The following SIPA1L2 variants were observed in gnomAD, a reference collection of about 807,000 sequenced individuals.
SIPA1L2 encodes the protein signal-induced proliferation-associated 1-like protein 2.
In SIPA1L2, 56 loss-of-function variants were observed where a neutral mutation model predicts 163.9. That is an observed-to-expected ratio of 0.34 (90% CI 0.28 to 0.43). The LOEUF is 0.43. Among genes scored for constraint, SIPA1L2 ranks in the 20% least tolerant of loss-of-function variants. The probability of loss-of-function intolerance (pLI) is 1.00; values close to 1 mark genes in which losing one functional copy is unlikely to be tolerated. For synonymous variants in SIPA1L2, 877 were observed against 865.7 expected (o/e 1.01, Z -0.23); for missense variants, 1,974 against 2,193.5 (o/e 0.90, Z 2.00).
At chr1:232,597,615 A>G (rs1355781114) in intron 1 of SIPA1L2, among the ~76,000 whole-genome samples, 4 of 145,942 alleles carry the variant, frequency 2.7e-5, no homozygotes, top group East Asian at 4.1e-4. Context: ...GCATGAACCC[A>G]GGAGGCAGAG....
intron 1 of SIPA1L2, among the ~76,000 whole-genome samples, chr1:232,580,154 C>T (rs148864962): frequency 1.3e-5 from 2 of 152,306 alleles, no homozygotes; most frequent in African/African-American, 4.8e-5. Context: ...CAAGAAGTCA[C>T]AGTTCCTCCC....
At chr1:232,609,024 C>A (rs1361033990) in intron 1 of SIPA1L2, among the ~76,000 whole-genome samples, 3 of 151,352 alleles carry the variant, frequency 2.0e-5, no homozygotes, top group African/African-American at 7.3e-5. Context: ...AACCTCTTTT[C>A]TAATAGTTTG....
At chr1:232,456,238 T>C (rs1338767159) in intron 10 of SIPA1L2, among the ~76,000 whole-genome samples, 1 of 152,222 alleles carries the variant, frequency 6.6e-6, no homozygotes, top group South Asian at 2.1e-4. Flanking sequence ...TGTGTGTAGA[T>C]ATACATCTAA....
At chr1:232,505,778 A>G (rs1432400252) in intron 3 of SIPA1L2, among the ~76,000 whole-genome samples, 1 of 151,980 alleles carries the variant, frequency 6.6e-6, no homozygotes, top group Non-Finnish European at 1.5e-5. Context: ...TGGGGAGGCA[A>G]TACTGGCCAG....
chr1:232,508,342 T>C (rs182008341), intron 3 of SIPA1L2, among the ~76,000 whole-genome samples: 19 of 152,300 alleles, frequency 1.2e-4, no homozygotes, highest in Admixed American at 3.9e-4. Context: ...AGAACCGTTT[T>C]AGAACTCCTG....
intron 6 of SIPA1L2, among the ~76,000 whole-genome samples, chr1:232,480,271 G>A (rs1405380720): frequency 6.6e-6 from 1 of 151,750 alleles, no homozygotes; most frequent in Non-Finnish European, 1.5e-5. Flanking sequence ...GATTGAATAT[G>A]GAAATGAGAA....
intron 2 of SIPA1L2, among the ~76,000 whole-genome samples, chr1:232,516,148 T>C (rs775562754): frequency 3.0e-4 from 46 of 152,338 alleles, no homozygotes; most frequent in South Asian, 6.2e-4. Flanking sequence ...AAACTCAAAA[T>C]GTCCCACAGC....
chr1:232,571,405 G>C (rs1659721929), intron 2 of SIPA1L2, among the ~76,000 whole-genome samples: 1 of 152,230 alleles, frequency 6.6e-6, no homozygotes, highest in African/African-American at 2.4e-5. Flanking sequence ...TTTCTGAAAA[G>C]TCTGTTGACA....
chr1:232,566,799 G>A (rs1326312640), intron 2 of SIPA1L2, among the ~76,000 whole-genome samples: 2 of 152,124 alleles, frequency 1.3e-5, no homozygotes, highest in African/African-American at 4.8e-5. Context: ...GGTTACCAAT[G>A]GGTCAATTCA....
intron 18 of SIPA1L2, among the ~76,000 whole-genome samples, chr1:232,417,883 G>T (rs1661350889): frequency 6.6e-6 from 1 of 152,174 alleles, no homozygotes. Context: ...GCTCTGTGAG[G>T]GCCGCGGAGG....
At chr1:232,421,944 A>G (rs1306931165) in intron 18 of SIPA1L2, among the ~76,000 whole-genome samples, 1 of 152,188 alleles carries the variant, frequency 6.6e-6, no homozygotes, top group Non-Finnish European at 1.5e-5. Flanking sequence ...TCCGTTCCAT[A>G]AAAAACCAAA....
intron 18 of SIPA1L2, among the ~76,000 whole-genome samples, chr1:232,423,185 G>A (rs772691571): frequency 6.6e-6 from 1 of 152,164 alleles, no homozygotes; most frequent in Non-Finnish European, 1.5e-5. Flanking sequence ...TAATGCAAGT[G>A]TGCTGAGTAC....
chr1:232,471,338 G>A lies in SIPA1L2; in HGVS notation c.2243+33C>T, dbSNP rs777195560. 3.2e-6 allele frequency: 5 copies of A among 1,576,418 alleles called. No individual in the cohort carries two copies. In the Admixed American group the frequency reaches 7.8e-5, roughly 25 times the overall value. On this transcript the variant is annotated intron_variant, in intron 8 of 22. Coordinates refer to ENST00000674635, the MANE Select transcript of SIPA1L2 (RefSeq NM_020808.5). The stretch of plus-strand genomic sequence containing the variant: ...AAAGACGCCCTGTTGAAATAAACCT[G>A]GGAGAATGATAGATCAGGGATGACT...
chr1:232,407,189 T>G (rs922444463), intron 19 of SIPA1L2, among the ~76,000 whole-genome samples: 1 of 152,246 alleles, frequency 6.6e-6, no homozygotes, highest in Non-Finnish European at 1.5e-5. Flanking sequence ...CCATTTCAAT[T>G]TACTTTTGAG....
At chr1:232,490,220 A>G (rs2102992715) in intron 5 of SIPA1L2, among the ~76,000 whole-genome samples, 1 of 152,210 alleles carries the variant, frequency 6.6e-6, no homozygotes, top group East Asian at 1.9e-4. Context: ...GAAACTAGTC[A>G]TAGTTCCTAA....
At chr1:232,578,777 T>C (rs572322582) in intron 1 of SIPA1L2, among the ~76,000 whole-genome samples, 4 of 152,224 alleles carry the variant, frequency 2.6e-5, no homozygotes, top group Non-Finnish European at 5.9e-5. Context: ...TCCACTCTTT[T>C]AACTGACGGC....
At chr1:232,551,336 G>C (rs1381479333) in intron 2 of SIPA1L2, among the ~76,000 whole-genome samples, 2 of 152,140 alleles carry the variant, frequency 1.3e-5, no homozygotes, top group African/African-American at 4.8e-5. Flanking sequence ...GGGTAGACCT[G>C]AAATACTACC....
intron 5 of SIPA1L2, among the ~76,000 whole-genome samples, chr1:232,484,644 G>A (rs1665555209): frequency 6.6e-6 from 1 of 152,154 alleles, no homozygotes; most frequent in Non-Finnish European, 1.5e-5. Context: ...AGCAATTGAG[G>A]AGCTCCTGCT....
intron 1 of SIPA1L2, among the ~76,000 whole-genome samples, chr1:232,620,174 C>T (rs1326863363): frequency 3.3e-5 from 5 of 152,192 alleles, no homozygotes; most frequent in Admixed American, 6.5e-5. Context: ...TGAGCCACCA[C>T]GCCCGGCCAG....
Sources: allele counts gnomAD v4.1 joint callset (sites outside exome capture counted in the v4.1 genomes callset), GRCh38; gene constraint gnomAD v4.1.1; transcripts MANE v1.5; gene names NCBI Gene and HGNC (gene_info 2026-07-23, HGNC 2026-07-21).